The following CDH13 variants were observed in gnomAD, a reference collection of about 807,000 sequenced individuals.
CDH13 encodes the protein cadherin 13, also known as cadherin-13.
A neutral mutation model predicts 63.8 loss-of-function variants in CDH13; 24 were observed. The observed-to-expected ratio is 0.38, with a 90% CI of 0.27 to 0.53. CDH13 has a LOEUF of 0.53. CDH13 is among the 20% of genes least tolerant of loss of function. The pLI is 0.85. For missense variants in CDH13, 1,049 were observed against 903.1 expected, an observed-to-expected ratio of 1.16 and a Z score of -2.07; for synonymous variants, 503 against 355.3, an observed-to-expected ratio of 1.42 and a Z score of -4.67.
intron 1 of CDH13, among the ~76,000 whole-genome samples, chr16:82,730,561 T>C (rs781176104): frequency 5.9e-5 from 9 of 152,304 alleles, no homozygotes; most frequent in Non-Finnish European, 1.0e-4. Context: ...TGATCACAGA[T>C]CACCATGACA....
chr16:82,677,248 A>T (rs1016718255), intron 1 of CDH13, among the ~76,000 whole-genome samples: 3 of 152,140 alleles, frequency 2.0e-5, no homozygotes, highest in African/African-American at 7.2e-5. Flanking sequence ...CATCCTTTGT[A>T]TTTCAGGTCT....
At chr16:82,893,118 T>C (rs965115506) in intron 2 of CDH13, among the ~76,000 whole-genome samples, 3 of 152,208 alleles carry the variant, frequency 2.0e-5, no homozygotes, top group African/African-American at 7.2e-5. Flanking sequence ...TCCATGTAAA[T>C]TAGCACTACA....
At chr16:82,731,006 A>G (rs10438616) in intron 1 of CDH13, among the ~76,000 whole-genome samples, 53,139 of 151,844 alleles carry the variant, frequency 0.35, 9,854 homozygotes, top group South Asian at 0.47. Flanking sequence ...TAGTCCTATT[A>G]TTTATGTATG....
chr16:83,360,968 C>G (rs577529540), intron 6 of CDH13, among the ~76,000 whole-genome samples: 59 of 152,022 alleles, frequency 3.9e-4, no homozygotes, highest in Non-Finnish European at 6.6e-4. Context: ...GGATATATAC[C>G]CAGGAATGAG....
chr16:83,087,239 A>G (rs2033649284), intron 3 of CDH13, among the ~76,000 whole-genome samples: 1 of 152,218 alleles, frequency 6.6e-6, no homozygotes, highest in Non-Finnish European at 1.5e-5. Flanking sequence ...TTGACGTGAT[A>G]AAGTTTGCTT....
chr16:83,582,363 A>G (rs1322915248), intron 7 of CDH13, among the ~76,000 whole-genome samples: 2 of 152,172 alleles, frequency 1.3e-5, no homozygotes, highest in Non-Finnish European at 2.9e-5. Context: ...ACCTAATGCT[A>G]GCAGCATCCC....
At chr16:82,929,814 C>T (rs749359659) in intron 2 of CDH13, among the ~76,000 whole-genome samples, 1 of 151,836 alleles carries the variant, frequency 6.6e-6, no homozygotes, top group Non-Finnish European at 1.5e-5. Flanking sequence ...CCCAGTCAAT[C>T]ATATCCTGTT....
At chr16:83,769,314 G>A (rs1408756087) in intron 11 of CDH13, among the ~76,000 whole-genome samples, 1 of 152,186 alleles carries the variant, frequency 6.6e-6, no homozygotes, top group African/African-American at 2.4e-5. Context: ...TGGCCTTAAT[G>A]TCAGAGATCC....
chr16:83,686,391 A>T (rs2150883749), intron 10 of CDH13, among the ~76,000 whole-genome samples: 1 of 152,294 alleles, frequency 6.6e-6, no homozygotes, highest in South Asian at 2.1e-4. Flanking sequence ...CAGGACTAAG[A>T]CCTTCAGACT....
chr16:83,413,245 T>C lies in CDH13; in HGVS notation c.781+68239T>C, dbSNP rs868643261. ...AACCCATTAAATTTTGTAATGCACA[T>C]TCTCTTCCATCTACAGGTCTCCCAT... On this transcript the variant is annotated intron_variant, in intron 6 of 13. Coordinates refer to ENST00000567109, the MANE Select transcript of CDH13 (RefSeq NM_001257.5). 2.6e-5 allele frequency among the ~76,000 whole-genome samples: 4 copies of C among 152,294 alleles called. No individual in the cohort carries two copies. The Middle Eastern group carries it at 0.014, about 518-fold the overall frequency.
intron 6 of CDH13, among the ~76,000 whole-genome samples, chr16:83,377,723 G>A (rs558113033): frequency 1.3e-5 from 2 of 152,288 alleles, no homozygotes; most frequent in South Asian, 4.1e-4. Flanking sequence ...GCCATTTCTT[G>A]AGAACTGTAA....
intron 4 of CDH13, among the ~76,000 whole-genome samples, chr16:83,189,571 C>G (rs1005169439): frequency 6.6e-6 from 1 of 152,162 alleles, no homozygotes; most frequent in African/African-American, 2.4e-5. Context: ...GTCAGGAAAT[C>G]CAAAGGTGCA....
chr16:83,759,315 A>C (rs561629280), intron 11 of CDH13, among the ~76,000 whole-genome samples: 1 of 152,338 alleles, frequency 6.6e-6, no homozygotes, highest in African/African-American at 2.4e-5. Flanking sequence ...TCTTTCAATA[A>C]ATAAGGCCAA....
At chr16:83,081,936 G>C (rs1334747825) in intron 3 of CDH13, among the ~76,000 whole-genome samples, 1 of 152,104 alleles carries the variant, frequency 6.6e-6, no homozygotes, top group Non-Finnish European at 1.5e-5. Context: ...AAATTGCTGG[G>C]ATTACAGGCA....
chr16:83,404,609 A>C (rs568261999), intron 6 of CDH13, among the ~76,000 whole-genome samples: 85 of 152,118 alleles, frequency 5.6e-4, no homozygotes, highest in Non-Finnish European at 1.0e-3. Flanking sequence ...GTGTGCACAC[A>C]CCCCCTCACA....
chr16:83,734,659 C>A (rs1365368586), intron 10 of CDH13, among the ~76,000 whole-genome samples: 2 of 150,834 alleles, frequency 1.3e-5, no homozygotes, highest in Non-Finnish European at 2.9e-5. Context: ...GTGCAGCACA[C>A]CAGCATGGCA....
intron 2 of CDH13, among the ~76,000 whole-genome samples, chr16:83,019,791 C>T (rs181779563): frequency 2.7e-3 from 398 of 147,608 alleles, no homozygotes; most frequent in African/African-American, 9.1e-3. Flanking sequence ...CCACCATGCC[C>T]GGCCAGTAAA....
At chr16:83,602,961 T>A (rs1907988256) in intron 8 of CDH13, among the ~76,000 whole-genome samples, 2 of 152,154 alleles carry the variant, frequency 1.3e-5, no homozygotes, top group Non-Finnish European at 2.9e-5. Context: ...AAGTGCAGAT[T>A]GAGAGGCCAG....
At chr16:82,981,794 C>G (rs768615652) in intron 2 of CDH13, among the ~76,000 whole-genome samples, 1 of 152,172 alleles carries the variant, frequency 6.6e-6, no homozygotes, top group Non-Finnish European at 1.5e-5. Context: ...AATGTTCTAC[C>G]CAATTTTCTC....
Sources: gnomAD v4.1 joint callset for allele counts (sites outside exome capture counted in the v4.1 genomes callset) on GRCh38, gnomAD v4.1.1 for gene constraint, MANE v1.5 for transcripts, NCBI Gene and HGNC (gene_info 2026-07-23, HGNC 2026-07-21) for gene names.